SPIDR: variants seen among roughly 807,000 people sequenced by gnomAD.
SPIDR encodes the protein DNA repair-scaffolding protein.
In SPIDR, 93 loss-of-function variants were observed where a neutral mutation model predicts 104.6. That is an observed-to-expected ratio of 0.89 (90% confidence interval 0.75 to 1.06). SPIDR has a LOEUF of 1.06. SPIDR is among the 50% of genes least tolerant of loss of function. SPIDR has a pLI of 0.00. For synonymous variants in SPIDR, 431 were observed against 416.9 expected (o/e 1.03, Z -0.41); for missense variants, 1,154 against 1,111.2 (o/e 1.04, Z -0.55).
intron 5 of SPIDR, among the ~76,000 whole-genome samples, chr8:47,386,912 TATAG>T (rs2060003536): frequency 8.3e-5 from 2 of 24,022 alleles, no homozygotes; most frequent in Non-Finnish European, 1.5e-4. Flanking sequence ...GAGATATAGA[TATAG>T]ATATAGATAT....
intron 10 of SPIDR, among the ~76,000 whole-genome samples, chr8:47,652,440 C>T (rs949258773): frequency 5.3e-5 from 8 of 152,150 alleles, no homozygotes; most frequent in Non-Finnish European, 8.8e-5. Context: ...CAGCTGGGCA[C>T]GGCAGGCAGC....
intron 15 of SPIDR, 164 bp from the exon 16 acceptor site, chr8:47,713,325 A>T (rs1177259931): frequency 5.3e-6 from 5 of 948,802 alleles, no homozygotes; most frequent in Non-Finnish European, 7.9e-6. Flanking sequence ...AGCTTAGCTC[A>T]TGGGGTTCAG....
At chr8:47,387,110 G>C (rs1463415795) in intron 5 of SPIDR, among the ~76,000 whole-genome samples, 1 of 152,094 alleles carries the variant, frequency 6.6e-6, no homozygotes, top group Non-Finnish European at 1.5e-5. Context: ...AAAGATTTGG[G>C]GTGGGAATGA....
intron 8 of SPIDR, among the ~76,000 whole-genome samples, chr8:47,579,957 T>C (rs1362185920): frequency 1.3e-5 from 2 of 152,246 alleles, no homozygotes; most frequent in African/African-American, 4.8e-5. Context: ...AGTTGGTTTG[T>C]ATTACAGCCC....
At chr8:47,577,555 C>G (rs2059261517) in intron 8 of SPIDR, among the ~76,000 whole-genome samples, 1 of 152,192 alleles carries the variant, frequency 6.6e-6, no homozygotes, top group South Asian at 2.1e-4. Context: ...CATCCACAAC[C>G]AAATGCAGAT....
rs1188855804 is a variant in SPIDR, at chr8:47,356,192, GT to G, written c.526-40181del. On this transcript the variant is annotated intron_variant, in intron 5 of 19. Coordinates refer to ENST00000297423, the MANE Select transcript of SPIDR (RefSeq NM_001080394.4). Reference sequence around the variant, plus strand: ...TGATAACAGCGTAATAGATACAACTGTTTAAACATTAAGTCCTCGTGAAAAT... The same window carrying G: ...TGATAACAGCGTAATAGATACAACTGTTAAACATTAAGTCCTCGTGAAAAT... Among the ~76,000 whole-genome samples, 3 of 152,298 alleles carry G rather than the reference GT, an allele frequency of 2.0e-5. No homozygotes were observed. In the East Asian group the frequency reaches 5.8e-4, roughly 29 times the overall value.
chr8:47,733,349 TC>T (rs2085579315), intron 19 of SPIDR, among the ~76,000 whole-genome samples: 1 of 152,088 alleles, frequency 6.6e-6, no homozygotes, highest in Non-Finnish European at 1.5e-5. Flanking sequence ...CTCACACCAC[TC>T]CATTCCAGCC....
intron 8 of SPIDR, among the ~76,000 whole-genome samples, chr8:47,466,912 T>TATATATAG (rs1462336747): frequency 1.9e-3 from 221 of 113,340 alleles, no homozygotes; most frequent in South Asian, 4.3e-3. Context: ...TATATATATA[T>TATATATAG]ATAGATAGAT....
chr8:47,357,531 CTTTA>C (rs1213740938), intron 5 of SPIDR, among the ~76,000 whole-genome samples: 4 of 152,138 alleles, frequency 2.6e-5, no homozygotes, highest in Non-Finnish European at 4.4e-5. Flanking sequence ...AATCAAACTT[CTTTA>C]TTTATCTTAT....
At chr8:47,725,499 C>A (rs1197493782) in intron 16 of SPIDR, among the ~76,000 whole-genome samples, 2 of 152,192 alleles carry the variant, frequency 1.3e-5, no homozygotes, top group Non-Finnish European at 1.5e-5. Context: ...TCAAGCGATT[C>A]TCCTGCCTCA....
At chr8:47,335,700 G>A (rs1554608442) in intron 5 of SPIDR, among the ~76,000 whole-genome samples, 1 of 152,062 alleles carries the variant, frequency 6.6e-6, no homozygotes, top group South Asian at 2.1e-4. Context: ...ATACACCCAC[G>A]TCGGCCTCCC....
chr8:47,592,047 A>G (rs2061082379), intron 8 of SPIDR: 2 of 920,100 alleles, frequency 2.2e-6, no homozygotes, highest in Non-Finnish European at 3.4e-6. Context: ...TTTTTTATTC[A>G]GTAATGTTTC....
intron 5 of SPIDR, among the ~76,000 whole-genome samples, chr8:47,395,116 A>T (rs1187829094): frequency 2.6e-5 from 4 of 152,106 alleles, no homozygotes; most frequent in Non-Finnish European, 2.9e-5. Flanking sequence ...TGGGAGGCTG[A>T]GATGGGTGGA....
chr8:47,341,875 T>A (rs565530098), intron 5 of SPIDR, among the ~76,000 whole-genome samples: 1 of 152,232 alleles, frequency 6.6e-6, no homozygotes, highest in South Asian at 2.1e-4. Flanking sequence ...TCTCAGCAGC[T>A]CCTACAGAAT....
chr8:47,297,651 C>T (rs2041135963), intron 5 of SPIDR, among the ~76,000 whole-genome samples: 1 of 152,200 alleles, frequency 6.6e-6, no homozygotes, highest in African/African-American at 2.4e-5. Flanking sequence ...TGTTCCCCTT[C>T]CTGTGTCCAT....
chr8:47,670,544 T>C (rs2075657391), intron 10 of SPIDR, among the ~76,000 whole-genome samples: 1 of 152,182 alleles, frequency 6.6e-6, no homozygotes, highest in Admixed American at 6.5e-5. Context: ...TTTTTCTTTG[T>C]GTTTTCCTAT....
chr8:47,347,810 TC>T (rs2154279279), intron 5 of SPIDR, among the ~76,000 whole-genome samples: 1 of 152,308 alleles, frequency 6.6e-6, no homozygotes, highest in African/African-American at 2.4e-5. Context: ...TGGTAGATCT[TC>T]CTCCGTTCCT....
intron 10 of SPIDR, among the ~76,000 whole-genome samples, chr8:47,671,068 C>G (rs1455153931): frequency 6.6e-6 from 1 of 152,024 alleles, no homozygotes; most frequent in Non-Finnish European, 1.5e-5. Flanking sequence ...CACCACCATA[C>G]CCAGCTAATT....
intron 10 of SPIDR, among the ~76,000 whole-genome samples, chr8:47,627,692 C>G (rs1321398996): frequency 2.6e-5 from 4 of 152,082 alleles, no homozygotes; most frequent in East Asian, 3.9e-4. Flanking sequence ...TCCCCCCTCC[C>G]TGGCCCCCAG....
Sources: gnomAD v4.1 joint callset for allele counts (sites outside exome capture counted in the v4.1 genomes callset) on GRCh38, gnomAD v4.1.1 for gene constraint, MANE v1.5 for transcripts, NCBI Gene and HGNC (gene_info 2026-07-23, HGNC 2026-07-21) for gene names.